MAP7: variants seen among roughly 807,000 people sequenced by gnomAD.
MAP7 encodes the protein microtubule associated protein 7.
MAP7 carries 52 observed loss-of-function variants against 94.8 expected under a neutral mutation model. The observed-to-expected ratio is 0.55, with a 90% CI of 0.44 to 0.69. The LOEUF is 0.69. Ranked by LOEUF, MAP7 falls within the 30% of genes least tolerant of loss-of-function variation. The pLI, the probability that MAP7 is intolerant of heterozygous loss-of-function variation, is 0.00. For missense variants in MAP7, 940 were observed against 964.6 expected, an observed-to-expected ratio of 0.97 and a Z score of 0.34; for synonymous variants, 350 against 357.0, an observed-to-expected ratio of 0.98 and a Z score of 0.22.
intron 1 of MAP7, among the ~76,000 whole-genome samples, chr6:136,504,378 T>C (rs1005404563): frequency 2.6e-5 from 4 of 151,724 alleles, no homozygotes; most frequent in Admixed American, 6.6e-5. Context: ...GAACAGAGCC[T>C]CACTCTGTCA....
chr6:136,446,055 T>A (rs1799234043), intron 1 of MAP7, among the ~76,000 whole-genome samples: 1 of 152,258 alleles, frequency 6.6e-6, no homozygotes, highest in East Asian at 1.9e-4. Flanking sequence ...CAACCCCTCC[T>A]CATGGTTCGA....
At chr6:136,503,538 G>T (rs940078224) in intron 1 of MAP7, among the ~76,000 whole-genome samples, 1 of 151,966 alleles carries the variant, frequency 6.6e-6, no homozygotes, top group Non-Finnish European at 1.5e-5. Flanking sequence ...CCAGTGACTC[G>T]GCATACCTTA....
At chr6:136,454,323 C>CTATCTATCTATCTATA (rs911885733) in intron 1 of MAP7, among the ~76,000 whole-genome samples, 5 of 151,548 alleles carry the variant, frequency 3.3e-5, no homozygotes, top group African/African-American at 1.2e-4. Flanking sequence ...ATCTATCTAT[C>CTATCTATCTATCTATA]TGAGACAGGG....
chr6:136,525,832 C>G, intron 1 of MAP7: 1 of 1,534,530 alleles, frequency 6.5e-7, no homozygotes, highest in African/African-American at 1.4e-5. Flanking sequence ...TAATGCATAC[C>G]TTTTGGTCTT....
In MAP7 at chr6:136,424,293, CA is replaced by C. The variant is rs1249793503; in HGVS notation, c.68-2495del. ...AAATTAAAATGACTAGGTGACTTTCCAGTATTATTTATTTGAATCTCTCTTC... is the reference window on the plus strand; with the variant it reads ...AAATTAAAATGACTAGGTGACTTTCCGTATTATTTATTTGAATCTCTCTTC... On this transcript the variant is annotated intron_variant, in intron 1 of 17. Coordinates refer to ENST00000354570, the MANE Select transcript of MAP7 (RefSeq NM_003980.6). 2.6e-4 allele frequency among the ~76,000 whole-genome samples: 39 copies of C among 149,628 alleles called. 1 individual carries two copies. In the South Asian group the frequency reaches 8.3e-3, roughly 32 times the overall value.
intron 1 of MAP7, among the ~76,000 whole-genome samples, chr6:136,456,815 A>AGAAGAAGAAG (rs1803232324): frequency 1.1e-5 from 1 of 91,924 alleles, no homozygotes; most frequent in Admixed American, 1.3e-4. Flanking sequence ...AAGAAGAAGA[A>AGAAGAAGAAG]GAAGAAGGAA....
intron 1 of MAP7, among the ~76,000 whole-genome samples, chr6:136,459,455 C>A (rs999535357): frequency 2.0e-5 from 3 of 152,138 alleles, no homozygotes; most frequent in Admixed American, 6.6e-5. Flanking sequence ...GATATGTACA[C>A]TCACATACTT....
intron 2 of MAP7, among the ~76,000 whole-genome samples, chr6:136,421,045 G>T (rs548084891): frequency 5.3e-5 from 8 of 152,210 alleles, no homozygotes; most frequent in Admixed American, 1.3e-4. Flanking sequence ...CCTCCCACAG[G>T]CCACGCAATG....
intron 1 of MAP7, among the ~76,000 whole-genome samples, chr6:136,435,464 T>C (rs1796144321): frequency 6.6e-6 from 1 of 152,234 alleles, no homozygotes; most frequent in Admixed American, 6.5e-5. Context: ...TAGATCTCAT[T>C]TCAGTCTTTG....
chr6:136,392,830 A>G (rs574583795), intron 3 of MAP7, among the ~76,000 whole-genome samples: 132 of 152,324 alleles, frequency 8.7e-4, no homozygotes, highest in Middle Eastern at 3.4e-3. Context: ...TTTAGCCTTC[A>G]AACTACATAG....
At chr6:136,368,741 A>C (rs1170382408) in intron 8 of MAP7, among the ~76,000 whole-genome samples, 2 of 151,292 alleles carry the variant, frequency 1.3e-5, no homozygotes, top group Non-Finnish European at 2.9e-5. Context: ...ATAGTGCTGA[A>C]AGAAATTAAA....
chr6:136,401,708 C>A (rs1385927994), intron 3 of MAP7, among the ~76,000 whole-genome samples: 1 of 151,468 alleles, frequency 6.6e-6, no homozygotes, highest in Non-Finnish European at 1.5e-5. Flanking sequence ...TGCAGCACAC[C>A]AACGTGGCAC....
intron 3 of MAP7, among the ~76,000 whole-genome samples, chr6:136,402,159 A>G (rs544380703): frequency 1.3e-5 from 2 of 152,296 alleles, no homozygotes; most frequent in African/African-American, 4.8e-5. Flanking sequence ...TTTCCTGATG[A>G]CCACAGCACA....
chr6:136,535,830 T>C (rs1055413060), intron 1 of MAP7, among the ~76,000 whole-genome samples: 1 of 151,938 alleles, frequency 6.6e-6, no homozygotes, highest in African/African-American at 2.4e-5. Context: ...CTGTGCCATG[T>C]TGGTGTGCTG....
Position 136,365,876 on chromosome 6 carries a change from CT to C in MAP7, c.1131del (p.Val378TrpfsTer21). The C allele has an allele frequency of 6.2e-7, 1 of 1,614,158 alleles. No individual in the cohort carries two copies. The highest frequency in any genetic ancestry group is 8.5e-7 in the Non-Finnish European group (1 of 1,180,032). ...GNIRPVKREV[K>X]VEPEKKDPEK... is the part of the protein sequence containing the mutation. ...TCAGGATCTTTCTTCTCAGGCTCCA[CT>C]TTGACTTCCCTCTTGACAGGGCGGA... On this transcript the variant is annotated frameshift_variant, in exon 10 of 18. Coordinates refer to ENST00000354570, the MANE Select transcript of MAP7 (RefSeq NM_003980.6). LOFTEE classifies it high-confidence loss of function.
intron 1 of MAP7, among the ~76,000 whole-genome samples, chr6:136,475,485 T>C (rs9389392): frequency 0.073 from 11,109 of 152,242 alleles, 976 homozygotes; most frequent in African/African-American, 0.21. Context: ...AAAATAGTTA[T>C]ATAAACTCTC....
chr6:136,491,191 C>T (rs1418899710), intron 1 of MAP7, among the ~76,000 whole-genome samples: 1 of 151,908 alleles, frequency 6.6e-6, no homozygotes, highest in Admixed American at 6.6e-5. Context: ...AAAATTACAC[C>T]ATAAGAGACT....
chr6:136,369,053 G>A (rs2128594306), intron 8 of MAP7, among the ~76,000 whole-genome samples: 1 of 152,332 alleles, frequency 6.6e-6, no homozygotes, highest in East Asian at 1.9e-4. Context: ...GGATTACAGT[G>A]TGCAGATTTC....
At chr6:136,442,534 G>A (rs540645938) in intron 1 of MAP7, among the ~76,000 whole-genome samples, 16 of 152,048 alleles carry the variant, frequency 1.1e-4, no homozygotes, top group South Asian at 2.1e-4. Flanking sequence ...TTAACACAGC[G>A]TGGTCCAGGT....
Sources: allele counts gnomAD v4.1 joint callset (sites outside exome capture counted in the v4.1 genomes callset), GRCh38; gene constraint gnomAD v4.1.1; transcripts MANE v1.5; gene names NCBI Gene and HGNC (gene_info 2026-07-23, HGNC 2026-07-21).